The following CWC22 variants were observed in gnomAD, a reference collection of about 807,000 sequenced individuals.
CWC22 encodes the protein pre-mRNA-splicing factor CWC22 homolog.
CWC22 carries 53 observed loss-of-function variants against 117.2 expected under a neutral mutation model. That is an observed-to-expected ratio of 0.45 (90% CI 0.36 to 0.57). The LOEUF is 0.57. Among genes scored for constraint, CWC22 ranks in the 20% least tolerant of loss-of-function variants. The pLI, the probability that CWC22 is intolerant of heterozygous loss-of-function variation, is 0.00. For synonymous variants in CWC22, 360 were observed against 355.6 expected (o/e 1.01, Z -0.14); for missense variants, 980 against 1,068.8 (o/e 0.92, Z 1.16).
intron 1 of CWC22, among the ~76,000 whole-genome samples, chr2:179,998,955 T>C (rs892445255): frequency 6.6e-6 from 1 of 152,146 alleles, no homozygotes; most frequent in Non-Finnish European, 1.5e-5. Context: ...TAAATTTACA[T>C]ATTTCAATTT....
At position 179,980,114 on chromosome 2, in the gene CWC22, C is replaced by T. The variant is rs542944970; in HGVS notation, c.452+1638G>A. On this transcript the variant is annotated intron_variant, in intron 5 of 19. Transcript: ENST00000410053. ...GACTGACAAAGTTTCTAGTCTTTTA[C>T]AATCAGGATTGCTTTGGACTGGACT... Among the ~76,000 whole-genome samples, 3 of 152,272 alleles carry T rather than the reference C, an allele frequency of 2.0e-5. No individual in the cohort carries two copies. The East Asian group carries it at 5.8e-4, about 29-fold the overall frequency.
intron 19 of CWC22, among the ~76,000 whole-genome samples, chr2:179,947,233 C>G (rs1575635452): frequency 6.6e-6 from 1 of 151,658 alleles, no homozygotes; most frequent in South Asian, 2.1e-4. Flanking sequence ...GCACATGGTA[C>G]AGTCAGTTGG....
At chr2:179,962,400 T>G (rs539752467) in intron 13 of CWC22, among the ~76,000 whole-genome samples, 1 of 152,278 alleles carries the variant, frequency 6.6e-6, no homozygotes, top group Admixed American at 6.5e-5. Context: ...ATAATAAACA[T>G]AAACCTCCCC....
chr2:179,950,483 C>T (rs1686416235), intron 19 of CWC22, 29 bp downstream of exon 19: 1 of 1,404,124 alleles, frequency 7.1e-7, no homozygotes, highest in South Asian at 1.2e-5. Flanking sequence ...TAGAAAAGAG[C>T]AAGCCAAATT....
intron 1 of CWC22, among the ~76,000 whole-genome samples, chr2:179,995,172 C>G (rs765281694): frequency 6.6e-6 from 1 of 152,204 alleles, no homozygotes; most frequent in Non-Finnish European, 1.5e-5. Flanking sequence ...CTGATGCCCA[C>G]AGACTAGTCT....
chr2:179,945,597 G>A lies in CWC22; in HGVS notation c.2259C>T (p.His753=). ...KQKERRQEHG[H]QETRTERERR... is the part of the protein sequence containing the mutation. ...TTTCTCTCTCAGTCCTTGTTTCCTG[G>A]TGCCCGTGTTCTTGTCTTCTTTCTT... The change falls in exon 20 of 20, where the codon CAC becomes CAT. Residue 753 remains histidine (H), a synonymous_variant. Transcript: ENST00000410053. 6.2e-7 allele frequency: 1 copy of A among 1,613,324 alleles called. No individual in the cohort carries two copies. The highest frequency in any genetic ancestry group is 8.5e-7 in the Non-Finnish European group (1 of 1,179,632).
At position 179,965,881 on chromosome 2, in the gene CWC22, C is replaced by T. The variant is rs1206928604; in HGVS notation, c.1312G>A (p.Glu438Lys). The change falls in exon 12 of 20, where the codon GAA (glutamate) becomes AAA (lysine). Residue 438 changes from glutamate to lysine, a missense_variant. This residue lies in a region of CWC22 where 559 missense variants were observed against 602.3 expected (regional missense o/e 0.93). Transcript: ENST00000410053. ...TTTGAATATGCTACATGTTTACCTT[C>T]TTCATCTTCTTCTCCCTCTTCCTCT... The part of the protein sequence containing the change: ...EEEEEGEEDE[E>K]GQKVTIHDKT... 2.0e-6 allele frequency: 3 copies of T among 1,489,850 alleles called. No individual in the cohort carries two copies. Among genetic ancestry groups the T allele is most frequent in the Non-Finnish European group, 2.8e-6 (3 of 1,068,140 alleles). The allele number at this position is 1,489,850 out of a possible 1,614,324, so 92.3% of individuals were successfully genotyped here.
At chr2:179,946,232 T>C (rs34206846) in intron 19 of CWC22, among the ~76,000 whole-genome samples, 19,431 of 151,828 alleles carry the variant, frequency 0.13, 1,707 homozygotes, top group Admixed American at 0.28. Flanking sequence ...GACAGATTGC[T>C]TGCGCCCAGA....
In CWC22 at chr2:179,945,493, TTGTC is replaced by T. The variant is rs759108033; in HGVS notation, c.2359_2362del (p.Asp787LysfsTer23). 1 of 1,613,088 alleles carries T rather than the reference TTGTC, an allele frequency of 6.2e-7. No homozygotes were observed. The highest frequency in any genetic ancestry group is 8.5e-7 in the Non-Finnish European group (1 of 1,179,322). On this transcript the variant is annotated frameshift_variant, in exon 20 of 20. Transcript: ENST00000410053. LOFTEE classifies it high-confidence loss of function. ...GTTATTTCGTTCAGAAGGAACATCT[TTGTC>T]TGATGTGTACTTTGTTATAGGATCT... is the stretch of plus-strand genomic sequence containing the variant.
chr2:179,969,684 C>T (rs1302932392), intron 11 of CWC22, among the ~76,000 whole-genome samples: 1 of 152,128 alleles, frequency 6.6e-6, no homozygotes, highest in Non-Finnish European at 1.5e-5. Flanking sequence ...TTAATACAAA[C>T]TTTTGGGGTT....
chr2:179,957,139 G>C (rs899379373), intron 14 of CWC22, among the ~76,000 whole-genome samples: 1 of 151,952 alleles, frequency 6.6e-6, no homozygotes, highest in African/African-American at 2.4e-5. Flanking sequence ...CAAATAACAT[G>C]ACAAGATCAT....
chr2:179,954,123 A>G (rs986704989), intron 16 of CWC22, 82 bp downstream of exon 16: 1 of 1,002,384 alleles, frequency 1.0e-6, no homozygotes, highest in Admixed American at 2.4e-5. Context: ...TCATAATAGG[A>G]TAAATATGGC....
At chr2:179,997,762 G>A (rs1687744729) in intron 1 of CWC22, among the ~76,000 whole-genome samples, 2 of 152,106 alleles carry the variant, frequency 1.3e-5, no homozygotes, top group Admixed American at 1.3e-4. Context: ...CACTGGATAG[G>A]CAGCAATGAA....
chr2:179,951,670 A>C (rs967641585), intron 17 of CWC22, among the ~76,000 whole-genome samples: 1 of 152,212 alleles, frequency 6.6e-6, no homozygotes, highest in South Asian at 2.1e-4. Context: ...GTATGGCTGG[A>C]GTGCAGCTTG....
chr2:180,001,978 T>C (rs1202549440), intron 1 of CWC22, among the ~76,000 whole-genome samples: 1 of 152,216 alleles, frequency 6.6e-6, no homozygotes, highest in Non-Finnish European at 1.5e-5. Context: ...GAATAGTCCT[T>C]ATCTTTTCTT....
intron 1 of CWC22, among the ~76,000 whole-genome samples, chr2:180,004,676 C>T (rs1367122737): frequency 6.6e-6 from 1 of 151,972 alleles, no homozygotes; most frequent in African/African-American, 2.4e-5. Flanking sequence ...TGAGCCATCG[C>T]CGCCCCCGCC....
At chr2:179,994,304 A>C (rs1687645287) in intron 1 of CWC22, among the ~76,000 whole-genome samples, 1 of 150,104 alleles carries the variant, frequency 6.7e-6, no homozygotes, top group Middle Eastern at 3.4e-3. Flanking sequence ...ATAACTGAAT[A>C]CAACTGGAAA....
intron 17 of CWC22, 76 bp from the exon 18 acceptor site, chr2:179,951,002 G>T (rs1002209019): frequency 1.4e-5 from 12 of 885,112 alleles, no homozygotes; most frequent in South Asian, 1.1e-4. Flanking sequence ...TCATTTTTCA[G>T]ATTTTTCATA....
intron 1 of CWC22, among the ~76,000 whole-genome samples, chr2:180,006,660 C>T (rs183208560): frequency 8.5e-5 from 13 of 152,318 alleles, no homozygotes; most frequent in African/African-American, 3.1e-4. Flanking sequence ...ATTAATCCCA[C>T]TCCCCTGACC....
Sources: gnomAD v4.1 joint callset for allele counts (sites outside exome capture counted in the v4.1 genomes callset) on GRCh38, gnomAD v4.1.1 for gene constraint, gnomAD v4.1.1 regional missense constraint, MANE v1.5 for transcripts, NCBI Gene and HGNC (gene_info 2026-07-23, HGNC 2026-07-21) for gene names.